PAX2: variants seen among roughly 807,000 people sequenced by gnomAD.
PAX2 encodes paired box 2.
In PAX2, 9 loss-of-function variants were observed where a neutral mutation model predicts 41.7. The ratio of observed to expected loss-of-function variants is 0.22; its 90% CI spans 0.13 to 0.38. The LOEUF is 0.38. Among genes scored for constraint, PAX2 ranks in the 10% least tolerant of loss-of-function variants. PAX2 has a pLI of 1.00. For synonymous variants in PAX2, 221 were observed against 212.7 expected, an observed-to-expected ratio of 1.04 and a Z score of -0.34; for missense variants, 418 against 531.6, an observed-to-expected ratio of 0.79 and a Z score of 2.10.
chr10:100,794,404 G>C (rs779172463), intron 5 of PAX2, among the ~76,000 whole-genome samples: 1 of 152,196 alleles, frequency 6.6e-6, no homozygotes, highest in Non-Finnish European at 1.5e-5. Flanking sequence ...TTGCCACAGA[G>C]AATGGTGGTG....
intron 5 of PAX2, among the ~76,000 whole-genome samples, chr10:100,782,222 C>T (rs1485567332): frequency 6.6e-6 from 1 of 152,074 alleles, no homozygotes. Flanking sequence ...TCCTGGCCTT[C>T]AGAGGATTTT....
intron 3 of PAX2, among the ~76,000 whole-genome samples, chr10:100,755,936 T>C (rs538749487): frequency 2.0e-5 from 3 of 152,258 alleles, no homozygotes; most frequent in African/African-American, 7.2e-5. Flanking sequence ...TAGCTTCATA[T>C]GCATGTTGGT....
At position 100,826,059 on chromosome 10, in the gene PAX2, G is replaced by A. The variant is rs1848549935; in HGVS notation, c.1022-950G>A. On this transcript the variant is annotated intron_variant, in intron 8 of 9. Transcript: ENST00000355243. This position sits in a 1 kb window ranked among gnomAD's most constrained non-coding sequence, Gnocchi z 5.5. ...GAGTCGTTAAACAGAATCTAGTGCT[G>A]ATGAGGAAATTACACTTGTTTCATT... Among the ~76,000 whole-genome samples, 1 of 152,040 alleles carries A rather than the reference G, an allele frequency of 6.6e-6. No individual in the cohort carries two copies. Among genetic ancestry groups the A allele is most frequent in the African/African-American group, 2.4e-5 (1 of 41,398 alleles).
chr10:100,779,518 A>T lies in PAX2; in HGVS notation c.431A>T (p.Gln144Leu). 1 of 1,596,374 alleles carries T rather than the reference A, an allele frequency of 6.3e-7. No individual in the cohort carries two copies. Among genetic ancestry groups the T allele is most frequent in the Non-Finnish European group, 8.5e-7 (1 of 1,171,784 alleles). Residue 144 changes from glutamine to leucine, a missense_variant, in exon 4 of 10, where the codon CAG (glutamine) becomes CTG (leucine). Gln to Leu is a moderately radical substitution (Grantham distance 113). This residue lies in a region of PAX2 where 108 missense variants were observed against 206.3 expected (regional missense o/e 0.52). Coordinates refer to ENST00000355243, the MANE Select transcript of PAX2 (RefSeq NM_000278.5). ...SINRIIRTKV[Q>L]QPFHPTPDGA... ...TGCAGAATCATCCGGACCAAAGTTC[A>T]GCAGCCTTTCCACCCAACGCCGGAT...
rs187789501 is a variant in PAX2 at position 100,749,040 on chromosome 10, C to G, written c.44-706C>G. The G allele has an allele frequency of 5.3e-4, 527 of 985,482 alleles. 20 individuals are homozygous for G. In the East Asian group the frequency reaches 0.052, roughly 98 times the overall value. The allele number at this position is 985,482 out of a possible 1,614,324, so 61.0% of individuals were successfully genotyped here. On this transcript the variant is annotated intron_variant, in intron 1 of 9. Transcript: ENST00000355243. ...GCAGACCCCGGGCCCCTGCCTCATCCGCCTTCCTTGCTCTACTTCAGATAC... is the reference window on the plus strand; with the variant it reads ...GCAGACCCCGGGCCCCTGCCTCATCGGCCTTCCTTGCTCTACTTCAGATAC...
chr10:100,765,457 A>T (rs990323138), intron 3 of PAX2, among the ~76,000 whole-genome samples: 1 of 152,218 alleles, frequency 6.6e-6, no homozygotes, highest in African/African-American at 2.4e-5. Flanking sequence ...CTTTTGCATC[A>T]TTCTCAAATT....
chr10:100,772,818 T>C (rs141187664), intron 3 of PAX2, among the ~76,000 whole-genome samples: 27 of 152,352 alleles, frequency 1.8e-4, no homozygotes, highest in African/African-American at 1.9e-4. Flanking sequence ...AGTAATTTTG[T>C]TCCTCTAGGG....
At chr10:100,739,320 C>T (rs1264044904) in intron 1 of PAX2, among the ~76,000 whole-genome samples, 3 of 152,242 alleles carry the variant, frequency 2.0e-5, no homozygotes, top group Admixed American at 6.5e-5. Context: ...CCTCGGCGGC[C>T]CTGCCCTTTG....
intron 5 of PAX2, among the ~76,000 whole-genome samples, chr10:100,783,398 G>C (rs1380632109): frequency 6.6e-6 from 1 of 152,210 alleles, no homozygotes; most frequent in Non-Finnish European, 1.5e-5. Flanking sequence ...AACTGGGCTG[G>C]GGAGGGAGTA....
chr10:100,809,840 C>A (rs1847931744), intron 7 of PAX2, among the ~76,000 whole-genome samples: 1 of 152,198 alleles, frequency 6.6e-6, no homozygotes, highest in Admixed American at 6.5e-5. Context: ...GGCCCACAAT[C>A]AAATGCAGAG....
chr10:100,805,678 G>A (rs982424454), intron 5 of PAX2, among the ~76,000 whole-genome samples: 1 of 152,232 alleles, frequency 6.6e-6, no homozygotes, highest in African/African-American at 2.4e-5. Context: ...AGGTGACCAA[G>A]AAACTGGCTC....
intron 3 of PAX2, among the ~76,000 whole-genome samples, chr10:100,753,092 G>C (rs1022988196): frequency 1.3e-5 from 2 of 152,242 alleles, no homozygotes; most frequent in East Asian, 3.8e-4. Context: ...TCTGTGGGCA[G>C]ATGTTGCTGG....
chr10:100,793,321 C>A (rs1344991121), intron 5 of PAX2, among the ~76,000 whole-genome samples: 1 of 152,248 alleles, frequency 6.6e-6, no homozygotes, highest in Non-Finnish European at 1.5e-5. Context: ...TCGGGGAATT[C>A]CCCTAAACCC....
chr10:100,779,644 A>G, intron 4 of PAX2, 61 bp downstream of exon 4: 1 of 1,333,508 alleles, frequency 7.5e-7, no homozygotes, highest in Non-Finnish European at 1.1e-6. Flanking sequence ...CAGGAAACGC[A>G]GCTCCACCCC....
Position 100,791,689 on chromosome 10 carries a change from A to G in PAX2, c.616+10324A>G, listed in dbSNP as rs539809487. 7.9e-5 allele frequency among the ~76,000 whole-genome samples: 12 copies of G among 152,280 alleles called. No individual in the cohort carries two copies. The highest frequency in any genetic ancestry group is 7.8e-4 in the Admixed American group (12 of 15,308). Reference sequence around the variant, plus strand: ...GGCTCACACAGATCTCCCTCGGCCCAGGCAGCCTGGGAAGCCTGGGATGGA... The same window carrying G: ...GGCTCACACAGATCTCCCTCGGCCCGGGCAGCCTGGGAAGCCTGGGATGGA... On this transcript the variant is annotated intron_variant, in intron 5 of 9. Transcript: ENST00000355243. The surrounding 1 kb of genome is among the most constrained non-coding windows in gnomAD (Gnocchi z 4.5).
upstream of PAX2, among the ~76,000 whole-genome samples, chr10:100,741,272 A>AGGAG (rs1217534142): frequency 6.6e-6 from 1 of 151,948 alleles, no homozygotes; most frequent in Non-Finnish European, 1.5e-5. Context: ...GAGTGAGAGC[A>AGGAG]GGAGGGAGGG....
intron 7 of PAX2, among the ~76,000 whole-genome samples, chr10:100,820,694 A>G (rs1318562158): frequency 6.6e-6 from 1 of 152,260 alleles, no homozygotes; most frequent in Non-Finnish European, 1.5e-5. Flanking sequence ...AGCCTGGGCG[A>G]TAGAGCGAGA....
At chr10:100,804,089 C>T (rs1847670913) in intron 5 of PAX2, among the ~76,000 whole-genome samples, 1 of 152,120 alleles carries the variant, frequency 6.6e-6, no homozygotes, top group Non-Finnish European at 1.5e-5. Flanking sequence ...GCCACCAGAT[C>T]AGGCAATCAA....
chr10:100,796,714 AC>A (rs1847351944), intron 5 of PAX2, among the ~76,000 whole-genome samples: 1 of 152,144 alleles, frequency 6.6e-6, no homozygotes, highest in African/African-American at 2.4e-5. Context: ...TCTGCCCTGC[AC>A]CCCCTTCCTG....
Sources: allele counts gnomAD v4.1 joint callset (sites outside exome capture counted in the v4.1 genomes callset), GRCh38; gene constraint gnomAD v4.1.1; regional missense constraint gnomAD v4.1.1; non-coding constraint Gnocchi (gnomAD v3.1); transcripts MANE v1.5; gene names NCBI Gene and HGNC (gene_info 2026-07-23, HGNC 2026-07-21).